The following TRAF6 variants were observed in gnomAD, a reference collection of about 807,000 sequenced individuals.
The protein encoded by TRAF6 is TNF receptor-associated factor 6.
In TRAF6, 10 loss-of-function variants were observed where a neutral mutation model predicts 48.4. The ratio of observed to expected loss-of-function variants is 0.21; its 90% CI spans 0.13 to 0.35. The LOEUF (loss-of-function observed/expected upper bound fraction) is 0.35. Among genes scored for constraint, TRAF6 ranks in the 10% least tolerant of loss-of-function variants. TRAF6 has a pLI of 1.00. For missense variants in TRAF6, 397 were observed against 661.0 expected, an observed-to-expected ratio of 0.60 and a Z score of 4.38; for synonymous variants, 186 against 219.6, an observed-to-expected ratio of 0.85 and a Z score of 1.35.
At position 36,485,288 on chromosome 11, in the gene TRAF6, C is replaced by T. The variant is rs760786519; in HGVS notation, c.*4550G>A. 9.2e-5 allele frequency among the ~76,000 whole-genome samples: 14 copies of T among 152,140 alleles called. No homozygotes were observed. The highest frequency in any genetic ancestry group is 1.5e-4 in the Non-Finnish European group (10 of 68,040). ...ACCAGAAATTGGTCAGCTTCAACTG[C>T]TGCTTTCAATAAATGTTCATTATTA... is the stretch of plus-strand genomic sequence containing the variant. On this transcript the variant is annotated 3_prime_UTR_variant, in exon 7 of 7. Coordinates refer to ENST00000526995, the MANE Select transcript of TRAF6 (RefSeq NM_004620.4).
Position 36,490,258 on chromosome 11 carries a change from G to C in TRAF6, c.1149C>G (p.Gly383=). Residue 383 remains glycine (G), a synonymous_variant, in exon 7 of 7, where the codon GGC becomes GGG. Coordinates refer to ENST00000526995, the MANE Select transcript of TRAF6 (RefSeq NM_004620.4). This position sits in a 1 kb window ranked among gnomAD's most constrained non-coding sequence, Gnocchi z 6.4. ...VVIHSPGFYT[G]KPGYKLCMRL... ...GCATGCACAGTTTGTACCCGGGTTT[G>C]CCAGTGTAGAATCCAGGGCTATGAA... 1.9e-6 allele frequency: 3 copies of C among 1,614,192 alleles called. No individual in the cohort carries two copies. The highest frequency in any genetic ancestry group is 2.5e-6 in the Non-Finnish European group (3 of 1,180,036).
chr11:36,496,115 G>A (rs751034677), intron 4 of TRAF6, among the ~76,000 whole-genome samples: 6 of 152,080 alleles, frequency 3.9e-5, no homozygotes, highest in Non-Finnish European at 5.9e-5. Context: ...TTATATGTAG[G>A]TTATTTTATA....
At chr11:36,509,991 T>G (rs1286379089) in intron 1 of TRAF6, 57 bp downstream of exon 1, 1 of 151,476 alleles carries the variant, frequency 6.6e-6, no homozygotes, top group African/African-American at 2.4e-5. Context: ...GCGGCGTCCC[T>G]GACCGCTGGG....
At position 36,507,759 on chromosome 11, in the gene TRAF6, T is replaced by C. The variant is rs61877425; in HGVS notation, c.-23+2289A>G. Among the ~76,000 whole-genome samples the C allele has an allele frequency of 2.5e-3, 347 of 141,318 alleles. 1 individual carries two copies. The highest frequency in any genetic ancestry group is 4.2e-3 in the Non-Finnish European group (271 of 64,444). 92.7% of individuals were successfully genotyped at this position (141,318 alleles called of 152,430 possible). A position where few individuals can be genotyped will look rare whatever the true frequency, so the allele number is the denominator to read the frequency against. ...TATATACACATACATACATGTATTA[T>C]ACATATAAACATATACAAATATATG... is the stretch of plus-strand genomic sequence containing the variant. On this transcript the variant is annotated intron_variant, in intron 1 of 6. Coordinates refer to ENST00000526995, the MANE Select transcript of TRAF6 (RefSeq NM_004620.4).
chr11:36,507,721 G>A (rs1409920772), intron 1 of TRAF6, among the ~76,000 whole-genome samples: 1 of 118,136 alleles, frequency 8.5e-6, no homozygotes, highest in African/African-American at 3.3e-5. Flanking sequence ...ATACACGCGC[G>A]TGTATATATG....
chr11:36,495,946 C>T (rs1488575846), intron 4 of TRAF6, among the ~76,000 whole-genome samples: 4 of 152,076 alleles, frequency 2.6e-5, no homozygotes, highest in African/African-American at 9.7e-5. Context: ...ATGACTGAGA[C>T]TTCTCTACAT....
At position 36,501,553 on chromosome 11, in the gene TRAF6, G is replaced by GA. The variant is rs761454091; in HGVS notation, c.-22-17dup. 66 of 1,532,018 alleles carry GA rather than the reference G, an allele frequency of 4.3e-5. No individual in the cohort carries two copies. Among genetic ancestry groups the GA allele is most frequent in the Non-Finnish European group, 5.1e-5 (58 of 1,139,766 alleles). 94.9% of individuals were successfully genotyped at this position (1,532,018 alleles called of 1,614,324 possible). On this transcript the variant is annotated splice_polypyrimidine_tract_variant and intron_variant, in intron 1 of 6. Coordinates refer to ENST00000526995, the MANE Select transcript of TRAF6 (RefSeq NM_004620.4). Reference sequence around the variant, plus strand: ...ATCACTTGCTCTGTAGAAATAGCAAGAAAAAAATGCCTTTATAAGTAACAC... The same window carrying GA: ...ATCACTTGCTCTGTAGAAATAGCAAGAAAAAAAATGCCTTTATAAGTAACAC...
chr11:36,489,771 A>G lies in TRAF6; in HGVS notation c.*67T>C. ...CCCGTGGCTTGTTTGTTTGCATGTT[A>G]TTGAGAACAGGGCAAGGAAAGGCAC... On this transcript the variant is annotated 3_prime_UTR_variant, in exon 7 of 7. Coordinates refer to ENST00000526995, the MANE Select transcript of TRAF6 (RefSeq NM_004620.4). 2.0e-6 allele frequency: 3 copies of G among 1,481,060 alleles called. No homozygotes were observed. Among genetic ancestry groups the G allele is most frequent in the Non-Finnish European group, 2.7e-6 (3 of 1,091,272 alleles). The allele number at this position is 1,481,060 out of a possible 1,614,324, so 91.7% of individuals were successfully genotyped here.
At chr11:36,492,671 T>A in intron 5 of TRAF6, 43 bp from the exon 6 acceptor site, 1 of 1,449,472 alleles carries the variant, frequency 6.9e-7, no homozygotes, top group Non-Finnish European at 9.6e-7. Flanking sequence ...TCCTTGCATA[T>A]CATTTTCTAG....
At chr11:36,506,321 T>C (rs770613522) in intron 1 of TRAF6, among the ~76,000 whole-genome samples, 3 of 152,160 alleles carry the variant, frequency 2.0e-5, no homozygotes, top group Non-Finnish European at 4.4e-5. Flanking sequence ...CTAATATGTA[T>C]CAAAGACATT....
intron 6 of TRAF6, among the ~76,000 whole-genome samples, chr11:36,491,947 T>C (rs1244526530): frequency 6.6e-6 from 1 of 152,198 alleles, no homozygotes; most frequent in Non-Finnish European, 1.5e-5. Context: ...TCCAGTCAGT[T>C]CTTCCTGTGT....
In TRAF6 at chr11:36,490,457, G is replaced by A. The variant is rs2133664488; in HGVS notation, c.950C>T (p.Thr317Ile). The A allele has an allele frequency of 6.2e-7, 1 of 1,613,592 alleles. No homozygotes were observed. The highest frequency in any genetic ancestry group is 1.3e-5 in the African/African-American group (1 of 75,004). Residue 317 changes from threonine to isoleucine, a missense_variant, in exon 7 of 7, where the codon ACT (threonine) becomes ATT (isoleucine). Transcript: ENST00000526995. The surrounding 1 kb of genome is among the most constrained non-coding windows in gnomAD (Gnocchi z 6.4). The stretch of plus-strand genomic sequence containing the variant: ...CATACTCTGAGTTTCCATTTTAGCA[G>A]TCAGCTCCCGGATTTGATGGTCTTG... ...VRQDHQIREL[T>I]AKMETQSMYV...
chr11:36,484,123 A>G lies in TRAF6; in HGVS notation c.*5715T>C, dbSNP rs377183856. On this transcript the variant is annotated 3_prime_UTR_variant, in exon 7 of 7. Transcript: ENST00000526995. ...CAGTTGTATTGACCTGATGGAGGCC[A>G]TCCGAGGTTTCACTGCCATTAGGAG... Among the ~76,000 whole-genome samples, 206 of 152,328 alleles carry G rather than the reference A, an allele frequency of 1.4e-3. No individual in the cohort carries two copies. The highest frequency in any genetic ancestry group is 4.9e-3 in the African/African-American group (203 of 41,576).
At chr11:36,505,044 A>ACAGG (rs1161384849) in intron 1 of TRAF6, among the ~76,000 whole-genome samples, 1 of 152,226 alleles carries the variant, frequency 6.6e-6, no homozygotes, top group African/African-American at 2.4e-5. Context: ...TTTATAAAGC[A>ACAGG]CAGGCAGAGT....
In TRAF6 at chr11:36,490,282, A is replaced by G; in HGVS notation, c.1125T>C (p.Ile375=). ...TGCCAGTGTAGAATCCAGGGCTATG[A>G]ATCACAACAGGTTTCTCCTCTTCTT... ...KCQEEEKPVV[I]HSPGFYTGKP... Residue 375 remains isoleucine, a synonymous_variant, in exon 7 of 7, where the codon ATT becomes ATC. Coordinates refer to ENST00000526995, the MANE Select transcript of TRAF6 (RefSeq NM_004620.4). The surrounding 1 kb of genome is among the most constrained non-coding windows in gnomAD (Gnocchi z 6.4). 1.9e-6 allele frequency: 3 copies of G among 1,614,124 alleles called. No homozygotes were observed. Among genetic ancestry groups the G allele is most frequent in the African/African-American group, 2.7e-5 (2 of 75,006 alleles).
intron 5 of TRAF6, among the ~76,000 whole-genome samples, chr11:36,493,317 A>C (rs569038247): frequency 1.3e-5 from 2 of 152,344 alleles, no homozygotes; most frequent in South Asian, 4.1e-4. Flanking sequence ...TAGATATTTC[A>C]AACAGGAAGT....
At chr11:36,506,110 A>G (rs1231358158) in intron 1 of TRAF6, among the ~76,000 whole-genome samples, 1 of 150,060 alleles carries the variant, frequency 6.7e-6, no homozygotes, top group Non-Finnish European at 1.5e-5. Context: ...TGCACAACAC[A>G]GGGTTGACAT....
rs184543661 is a variant in TRAF6, at chr11:36,505,295, C to T, written c.-22-3758G>A. 3.3e-5 allele frequency among the ~76,000 whole-genome samples: 5 copies of T among 152,354 alleles called. No individual in the cohort carries two copies. In the East Asian group the frequency reaches 9.6e-4, roughly 29 times the overall value. On this transcript the variant is annotated intron_variant, in intron 1 of 6. Coordinates refer to ENST00000526995, the MANE Select transcript of TRAF6 (RefSeq NM_004620.4). ...TGTTGTCTGGTGTAGCCACCTTCATCAACGATCGTAGCTAGATCTTCTAGA... is the reference window on the plus strand; with the variant it reads ...TGTTGTCTGGTGTAGCCACCTTCATTAACGATCGTAGCTAGATCTTCTAGA...
At chr11:36,497,422 G>A (rs770289749) in intron 3 of TRAF6, among the ~76,000 whole-genome samples, 156 bp from the exon 4 acceptor site, 5 of 152,248 alleles carry the variant, frequency 3.3e-5, no homozygotes, top group African/African-American at 4.8e-5. Context: ...CGTCTTTAGC[G>A]AATTTTTTAA....
Sources: allele counts gnomAD v4.1 joint callset (sites outside exome capture counted in the v4.1 genomes callset), GRCh38; gene constraint gnomAD v4.1.1; non-coding constraint Gnocchi (gnomAD v3.1); transcripts MANE v1.5; gene names NCBI Gene and HGNC (gene_info 2026-07-23, HGNC 2026-07-21).